The following HADH variants were observed in gnomAD, a reference collection of about 807,000 sequenced individuals.
HADH encodes the protein hydroxyacyl-CoA dehydrogenase.
Under a neutral mutation model 32.2 loss-of-function variants are expected in HADH, and 24 were observed. That is an observed-to-expected ratio of 0.75 (90% confidence interval 0.54 to 1.05). The LOEUF (loss-of-function observed/expected upper bound fraction) is 1.05. Among genes scored for constraint, HADH ranks in the 50% least tolerant of loss-of-function variants. HADH has a pLI of 0.00. For synonymous variants in HADH, 139 were observed against 152.5 expected, an observed-to-expected ratio of 0.91 and a Z score of 0.65; for missense variants, 350 against 397.1, an observed-to-expected ratio of 0.88 and a Z score of 1.01.
intron 1 of HADH, among the ~76,000 whole-genome samples, chr4:108,007,032 G>A (rs1032217488): frequency 7.9e-5 from 12 of 152,168 alleles, no homozygotes; most frequent in African/African-American, 2.7e-4. Context: ...CATAGTAGAT[G>A]CTCAGTATGT....
intron 3 of HADH, among the ~76,000 whole-genome samples, chr4:108,018,322 CT>C (rs1212703437): frequency 6.6e-6 from 1 of 152,028 alleles, no homozygotes; most frequent in East Asian, 1.9e-4. Context: ...GGAAGAGGAT[CT>C]TTTTTTCATT....
intron 1 of HADH, among the ~76,000 whole-genome samples, chr4:108,001,426 G>A (rs1207536761): frequency 6.6e-6 from 1 of 152,184 alleles, no homozygotes; most frequent in Non-Finnish European, 1.5e-5. Flanking sequence ...ATGGCTAAAA[G>A]GAACAGACAG....
At chr4:108,025,039 A>C (rs1023164097) in intron 5 of HADH, 1 of 152,226 alleles carries the variant, frequency 6.6e-6, no homozygotes, top group Non-Finnish European at 1.5e-5. Flanking sequence ...AGGGTCAGCA[A>C]ACTTCTGTAA....
intron 1 of HADH, among the ~76,000 whole-genome samples, chr4:107,997,537 G>C (rs994292277): frequency 1.3e-5 from 2 of 152,098 alleles, no homozygotes; most frequent in African/African-American, 4.8e-5. Flanking sequence ...AAATGTGCTA[G>C]TCACTTAGCC....
intron 6 of HADH, chr4:108,031,182 G>A (rs946107934): frequency 1.3e-4 from 20 of 152,264 alleles, no homozygotes; most frequent in African/African-American, 4.8e-4. Context: ...ATGAGTAATT[G>A]TGGAGAAGAA....
At chr4:108,020,614 T>C (rs995767318) in intron 4 of HADH, among the ~76,000 whole-genome samples, 2 of 152,126 alleles carry the variant, frequency 1.3e-5, no homozygotes, top group Admixed American at 6.5e-5. Flanking sequence ...TCCAATATGT[T>C]GGAGTTGGAG....
chr4:108,015,289 T>A (rs1385491053), intron 3 of HADH, among the ~76,000 whole-genome samples: 1 of 152,188 alleles, frequency 6.6e-6, no homozygotes, highest in Non-Finnish European at 1.5e-5. Context: ...CTCACCAACA[T>A]CTGTTGGTTT....
chr4:108,033,320 T>C, intron 7 of HADH, 28 bp downstream of exon 7: 1 of 1,115,884 alleles, frequency 9.0e-7, no homozygotes, highest in East Asian at 2.3e-5. Context: ...TTGTTGTCTT[T>C]AATTGAGGTA....
At chr4:108,013,190 C>T (rs1157280941) in intron 2 of HADH, among the ~76,000 whole-genome samples, 2 of 152,178 alleles carry the variant, frequency 1.3e-5, no homozygotes, top group East Asian at 1.9e-4. Context: ...CTCGGCCTCC[C>T]GAAGTGCTGG....
chr4:108,009,629 G>A, intron 1 of HADH, 130 bp from the exon 2 acceptor site: 1 of 760,828 alleles, frequency 1.3e-6, no homozygotes, highest in South Asian at 1.5e-5. Flanking sequence ...TGTTCACTCG[G>A]TATTTTGAAT....
intron 1 of HADH, among the ~76,000 whole-genome samples, chr4:108,001,445 C>T (rs1345449526): frequency 6.6e-6 from 1 of 152,144 alleles, no homozygotes; most frequent in East Asian, 1.9e-4. Flanking sequence ...AGATAAGAAA[C>T]TGAAGAGTTT....
Position 108,023,541 on chromosome 4 carries a change from GA to G in HADH, c.617del (p.Lys206SerfsTer14), listed in dbSNP as rs1735963864. 5 of 1,607,476 alleles carry G rather than the reference GA, an allele frequency of 3.1e-6. No individual in the cohort carries two copies. The highest frequency in any genetic ancestry group is 3.4e-6 in the Non-Finnish European group (4 of 1,173,862). ...TTGGTAGACTTTAGCAAAGCCCTAG[GA>G]AAGCATCCTGTTTCTTGCAAGGTAA... ...ESLVDFSKAL[G>X]KHPVSCKDTP... On this transcript the variant is annotated frameshift_variant, in exon 5 of 8. Coordinates refer to ENST00000309522, the MANE Select transcript of HADH (RefSeq NM_005327.7). LOFTEE classifies it high-confidence loss of function.
intron 4 of HADH, among the ~76,000 whole-genome samples, chr4:108,020,188 C>T (rs1311568828): frequency 6.6e-6 from 1 of 152,172 alleles, no homozygotes; most frequent in African/African-American, 2.4e-5. Flanking sequence ...AACCAGCTCC[C>T]ATTGGGTGCG....
chr4:108,009,950 A>T, intron 2 of HADH, 63 bp downstream of exon 2: 5 of 1,051,428 alleles, frequency 4.8e-6, no homozygotes, highest in Non-Finnish European at 7.2e-6. Context: ...TTGCAGGGCA[A>T]TGGGGGATTT....
rs112064133 is a variant in HADH at position 108,033,258 on chromosome 4, T to C, written c.792T>C (p.Tyr264=). 1 of 1,597,302 alleles carries C rather than the reference T, an allele frequency of 6.3e-7. No individual in the cohort carries two copies. The highest frequency in any genetic ancestry group is 1.1e-5 in the South Asian group (1 of 90,692). ...YPMGPFELLD[Y]VGLDTTKFIV... ...TGGGCCCATTTGAGCTTCTAGATTA[T>C]GTCGGACTGGATACTACGAAGTTCA... The change falls in exon 7 of 8, where the codon TAT becomes TAC. Residue 264 remains tyrosine (Y), a synonymous_variant. Coordinates refer to ENST00000309522, the MANE Select transcript of HADH (RefSeq NM_005327.7).
chr4:107,992,100 G>A (rs770875866), intron 1 of HADH, among the ~76,000 whole-genome samples: 1 of 152,210 alleles, frequency 6.6e-6, no homozygotes, highest in Non-Finnish European at 1.5e-5. Flanking sequence ...TGACAAAGGA[G>A]TAAGGAGAAA....
intron 1 of HADH, among the ~76,000 whole-genome samples, chr4:107,996,051 C>G (rs931493084): frequency 3.9e-5 from 6 of 152,196 alleles, no homozygotes; most frequent in Non-Finnish European, 8.8e-5. Context: ...GTTCTTCCAG[C>G]CACATGTACT....
chr4:108,007,138 G>A (rs533598571), intron 1 of HADH, among the ~76,000 whole-genome samples: 12 of 152,120 alleles, frequency 7.9e-5, no homozygotes, highest in African/African-American at 1.9e-4. Context: ...ACAGAGTCTC[G>A]CTCTGTCCCT....
chr4:108,016,531 G>T (rs1735700931), intron 3 of HADH, among the ~76,000 whole-genome samples: 1 of 152,178 alleles, frequency 6.6e-6, no homozygotes, highest in Non-Finnish European at 1.5e-5. Flanking sequence ...GGCCAGCAGG[G>T]AGCCCTCTGG....
Sources: gnomAD v4.1 joint callset for allele counts (sites outside exome capture counted in the v4.1 genomes callset) on GRCh38, gnomAD v4.1.1 for gene constraint, MANE v1.5 for transcripts, NCBI Gene and HGNC (gene_info 2026-07-23, HGNC 2026-07-21) for gene names.